The following TJAP1 variants were observed in gnomAD, a reference collection of about 807,000 sequenced individuals.
The protein encoded by TJAP1 is tight junction-associated protein 1.
A neutral mutation model predicts 42.0 loss-of-function variants in TJAP1; 27 were observed. That is an observed-to-expected ratio of 0.64 (90% CI 0.47 to 0.89). The LOEUF (loss-of-function observed/expected upper bound fraction) is 0.89. TJAP1 is among the 40% of genes least tolerant of loss of function. TJAP1 has a pLI of 0.00. For synonymous variants in TJAP1, 257 were observed against 288.4 expected (o/e 0.89, Z 1.10); for missense variants, 712 against 726.9 (o/e 0.98, Z 0.24).
At chr6:43,503,735 A>G (rs776861084) in intron 10 of TJAP1, 29 bp downstream of exon 10, 5 of 1,599,034 alleles carry the variant, frequency 3.1e-6, no homozygotes, top group South Asian at 1.1e-5. Context: ...CTCCCTGCCC[A>G]CATAGACCAT....
At chr6:43,480,435 A>G (rs778770124) in intron 2 of TJAP1, among the ~76,000 whole-genome samples, 1 of 152,270 alleles carries the variant, frequency 6.6e-6, no homozygotes, top group Non-Finnish European at 1.5e-5. Flanking sequence ...TAATGATGAT[A>G]ATAATAACAA....
At chr6:43,481,085 A>T (rs185267306) in intron 2 of TJAP1, among the ~76,000 whole-genome samples, 151 of 152,190 alleles carry the variant, frequency 9.9e-4, no homozygotes, top group African/African-American at 3.3e-3. Context: ...GTTTGTCAGG[A>T]TGGTTAAATG....
At chr6:43,503,683 T>G (rs1342765013) in exon 10 of TJAP1, 1 of 1,614,126 alleles carries the variant, frequency 6.2e-7, no homozygotes, top group East Asian at 2.2e-5. Context: ...CAAGTCCCAC[T>G]TCCGAAACCA....
chr6:43,501,913 ACACACACACACACACTCT>A (rs776427595), intron 6 of TJAP1, among the ~76,000 whole-genome samples: 5 of 128,000 alleles, frequency 3.9e-5, no homozygotes, highest in South Asian at 2.7e-4. Context: ...ACACACACAC[ACACACACACACACACTCT>A]CTCTCTCTCT....
intron 2 of TJAP1, among the ~76,000 whole-genome samples, chr6:43,484,844 G>T (rs987496115): frequency 1.3e-5 from 2 of 152,202 alleles, no homozygotes; most frequent in Non-Finnish European, 2.9e-5. Flanking sequence ...TCCTGCCTCG[G>T]CCTCCTGAGT....
intron 4 of TJAP1, among the ~76,000 whole-genome samples, chr6:43,499,735 A>T (rs537886703): frequency 6.6e-6 from 1 of 152,232 alleles, no homozygotes; most frequent in Non-Finnish European, 1.5e-5. Flanking sequence ...CCATATCTCC[A>T]TCTGGTCACA....
rs571798319 is a variant in TJAP1, at chr6:43,501,803, T to C, written c.290+116T>C. 4.6e-4 allele frequency: 297 copies of C among 640,138 alleles called. 1 individual carries two copies. Among genetic ancestry groups the C allele is most frequent in the Non-Finnish European group, 7.2e-4 (256 of 354,236 alleles). The allele number at this position is 640,138 out of a possible 1,614,324, so 39.7% of individuals were successfully genotyped here. On this transcript the variant is annotated intron_variant, in intron 6 of 10. Transcript: ENST00000372449. ...TCTCTGTGTCTCTGTCTCTCTCCTT[T>C]CATAGGAGGTTAGCTGGAAGATGCC... is the stretch of plus-strand genomic sequence containing the variant.
At chr6:43,489,786 G>C in intron 2 of TJAP1, 1 of 152,310 alleles carries the variant, frequency 6.6e-6, no homozygotes, top group South Asian at 2.1e-4. Flanking sequence ...ATGGGAGAAA[G>C]CCCCTGAGGG....
chr6:43,500,832 C>T (rs1160771841), intron 5 of TJAP1, 60 bp downstream of exon 5: 1 of 1,595,872 alleles, frequency 6.3e-7, no homozygotes, highest in African/African-American at 1.3e-5. Flanking sequence ...TAGCTCCAGG[C>T]TAGACTGTTG....
At chr6:43,501,658 G>A (rs919080224) in exon 6 of TJAP1, 2 of 1,468,328 alleles carry the variant, frequency 1.4e-6, no homozygotes, top group Admixed American at 1.7e-5. Context: ...GCCGCGAGGA[G>A]CTGGACAAAT....
intron 2 of TJAP1, among the ~76,000 whole-genome samples, chr6:43,479,603 A>C (rs9472065): frequency 0.017 from 2,594 of 152,222 alleles, 88 homozygotes; most frequent in African/African-American, 0.058. Flanking sequence ...GCTGCAATGC[A>C]CTATGATGGC....
exon 11 of TJAP1, chr6:43,504,947 T>A (rs1482100115): frequency 6.2e-7 from 1 of 1,614,016 alleles, no homozygotes; most frequent in Non-Finnish European, 8.5e-7. Flanking sequence ...CGGGCGCCCC[T>A]TGGCTGAGGA....
At chr6:43,480,562 A>G (rs1785104494) in intron 2 of TJAP1, among the ~76,000 whole-genome samples, 2 of 152,052 alleles carry the variant, frequency 1.3e-5, no homozygotes, top group Admixed American at 6.6e-5. Context: ...CTTGTCGCCC[A>G]GGCCGGAGTG....
intron 2 of TJAP1, among the ~76,000 whole-genome samples, chr6:43,480,210 C>A (rs996070469): frequency 6.6e-6 from 1 of 152,208 alleles, no homozygotes; most frequent in Non-Finnish European, 1.5e-5. Context: ...GCACTAATTT[C>A]TGTTTCATGG....
chr6:43,482,205 C>CG (rs1252725286), intron 2 of TJAP1, among the ~76,000 whole-genome samples: 2 of 152,140 alleles, frequency 1.3e-5, no homozygotes, highest in South Asian at 4.1e-4. Flanking sequence ...TTTCTGGATT[C>CG]GGGTCACATT....
exon 6 of TJAP1, chr6:43,501,554 C>T (rs563916607): frequency 1.5e-5 from 25 of 1,613,838 alleles, no homozygotes; most frequent in Non-Finnish European, 1.9e-5. Flanking sequence ...TGAAGAGCTT[C>T]GCCGGCGCCT....
chr6:43,490,906 C>A (rs1410433090), intron 2 of TJAP1, among the ~76,000 whole-genome samples: 1 of 152,238 alleles, frequency 6.6e-6, no homozygotes, highest in Non-Finnish European at 1.5e-5. Context: ...CACGCAGTCC[C>A]TTCTCCCTCC....
rs367871522 is a variant in TJAP1, at chr6:43,505,189, G to T, written c.1008G>T (p.Glu336Asp). The T allele has an allele frequency of 8.5e-5, 137 of 1,614,062 alleles. No individual in the cohort carries two copies. Among genetic ancestry groups the T allele is most frequent in the Middle Eastern group, 3.3e-4 (2 of 6,084 alleles). The stretch of plus-strand genomic sequence containing the variant: ...GCCGCAGGGTAATAGAGTTCTCTGA[G>T]GATAAGGTTCGGATCCCCCGCAACA... The change falls in exon 11 of 11, where the codon GAG becomes GAT. Residue 336 changes from glutamate to aspartate, a missense_variant. Transcript: ENST00000372449. The surrounding 1 kb of genome is among the most constrained non-coding windows in gnomAD (Gnocchi z 5.5).
rs137998847 is a variant in TJAP1 at position 43,502,568 on chromosome 6, C to T, written c.358-20C>T. The stretch of plus-strand genomic sequence containing the variant: ...TCTCCCCCTCATGCTGCCACCGTTG[C>T]TGCTGCACTCTCCTCTCAGGCCTCT... On this transcript the variant is annotated intron_variant, in intron 7 of 10. Coordinates refer to ENST00000372449, the Ensembl canonical transcript of TJAP1. 1.6e-5 allele frequency: 25 copies of T among 1,551,746 alleles called. No homozygotes were observed. The East Asian group carries it at 5.4e-4, about 33-fold the overall frequency.
Sources: gnomAD v4.1 joint callset for allele counts (sites outside exome capture counted in the v4.1 genomes callset) on GRCh38, gnomAD v4.1.1 for gene constraint, Gnocchi (gnomAD v3.1) non-coding constraint, MANE v1.5 for transcripts, NCBI Gene and HGNC (gene_info 2026-07-23, HGNC 2026-07-21) for gene names.